The following PSMD9 variants were observed in gnomAD, a reference collection of about 807,000 sequenced individuals.
PSMD9 encodes 26S proteasome non-ATPase regulatory subunit 9.
In PSMD9, 26 loss-of-function variants were observed where a neutral mutation model predicts 25.9. The observed-to-expected ratio is 1.00, with a 90% CI of 0.73 to 1.39. PSMD9 has a LOEUF of 1.39. PSMD9 is among the 40% of genes most tolerant of loss of function. PSMD9 has a pLI of 0.00. For synonymous variants in PSMD9, 110 were observed against 114.5 expected, an observed-to-expected ratio of 0.96 and a Z score of 0.25; for missense variants, 303 against 299.3, an observed-to-expected ratio of 1.01 and a Z score of -0.09.
At chr12:121,894,372 C>T (rs1422552103) in intron 1 of PSMD9, 1 of 205,508 alleles carries the variant, frequency 4.9e-6, no homozygotes, top group Non-Finnish European at 1.0e-5. Flanking sequence ...TCACTCCCCT[C>T]TAGCTTCCAG....
chr12:121,888,953 A>C lies in PSMD9; in HGVS notation c.97A>C (p.Ile33Leu). ...VQELMRRKEEIEAQIKANYDV... is the reference protein window; with the variant it reads ...VQELMRRKEELEAQIKANYDV... The stretch of plus-strand genomic sequence containing the variant: ...GGAGCTGATGCGGCGCAAGGAGGAG[A>C]TAGAAGCGCAGATCAAGGCCAACTA... The change falls in exon 1 of 6, where the codon ATA becomes CTA. Residue 33 changes from isoleucine to leucine, a missense_variant. Ile to Leu is a conservative substitution (Grantham distance 5). Transcript: ENST00000541212. 1.3e-6 allele frequency: 2 copies of C among 1,591,794 alleles called. No individual in the cohort carries two copies. The highest frequency in any genetic ancestry group is 1.7e-6 in the Non-Finnish European group (2 of 1,169,800).
chr12:121,913,744 CT>C (rs1879809947), intron 4 of PSMD9, among the ~76,000 whole-genome samples: 1 of 152,060 alleles, frequency 6.6e-6, no homozygotes, highest in South Asian at 2.1e-4. Flanking sequence ...GGCAGTCCTC[CT>C]GCCTGGGCCT....
rs944422719 is a variant in PSMD9 at position 121,918,184 on chromosome 12, C to CA, written c.*1874dup. 1 of 152,368 alleles carries CA rather than the reference C, an allele frequency of 6.6e-6. No homozygotes were observed. Among genetic ancestry groups the CA allele is most frequent in the African/African-American group, 2.4e-5 (1 of 41,470 alleles). The allele number at this position is 152,368 out of a possible 1,614,324, so 9.4% of individuals were successfully genotyped here. ...GTGCACCCTGTGTCATATCTGCCCCCAGCCAGCTGGAATTGTCTGCAACAC... is the reference window on the plus strand; with the variant it reads ...GTGCACCCTGTGTCATATCTGCCCCCAAGCCAGCTGGAATTGTCTGCAACAC... On this transcript the variant is annotated 3_prime_UTR_variant, in exon 6 of 6. Transcript: ENST00000541212. The surrounding 1 kb of genome is among the most constrained non-coding windows in gnomAD (Gnocchi z 4.3).
intron 4 of PSMD9, among the ~76,000 whole-genome samples, chr12:121,906,770 C>A (rs1382754250): frequency 6.7e-6 from 1 of 150,242 alleles, no homozygotes; most frequent in Non-Finnish European, 1.5e-5. Flanking sequence ...ACCAAGATCA[C>A]GCCACTGCAC....
At chr12:121,893,236 C>A (rs1243306428) in intron 1 of PSMD9, among the ~76,000 whole-genome samples, 3 of 152,170 alleles carry the variant, frequency 2.0e-5, no homozygotes, top group Non-Finnish European at 4.4e-5. Context: ...TAGCCCCTGG[C>A]GCATTTCTGC....
At chr12:121,902,830 G>A (rs954946648) in intron 3 of PSMD9, 176 bp from the exon 4 acceptor site, 27 of 561,734 alleles carry the variant, frequency 4.8e-5, no homozygotes, top group South Asian at 5.9e-5. Flanking sequence ...AGGTGGCCCC[G>A]TTACCCACTG....
chr12:121,895,999 C>G (rs1879217119), intron 2 of PSMD9, among the ~76,000 whole-genome samples: 1 of 152,126 alleles, frequency 6.6e-6, no homozygotes, highest in Non-Finnish European at 1.5e-5. Context: ...ATCTGCATCA[C>G]ATCTTATTTA....
At chr12:121,901,542 A>G (rs1435078011) in intron 3 of PSMD9, among the ~76,000 whole-genome samples, 1 of 150,772 alleles carries the variant, frequency 6.6e-6, no homozygotes, top group South Asian at 2.1e-4. Context: ...TTTTTTAGAG[A>G]TGGGTTCTCA....
At chr12:121,898,580 C>T (rs3887885) in intron 2 of PSMD9, 67,643 of 148,884 alleles carry the variant, frequency 0.45, 15,799 homozygotes, top group Middle Eastern at 0.5. Flanking sequence ...CTTGCTTTGT[C>T]GCCAGGCTGG....
At chr12:121,910,604 T>C (rs1879691279) in intron 4 of PSMD9, among the ~76,000 whole-genome samples, 1 of 151,242 alleles carries the variant, frequency 6.6e-6, no homozygotes, top group African/African-American at 2.4e-5. Flanking sequence ...CTACTAAAAA[T>C]ACAAAATTAG....
chr12:121,914,502 A>C (rs1404687399), intron 4 of PSMD9: 2 of 151,526 alleles, frequency 1.3e-5, no homozygotes, highest in Admixed American at 1.3e-4. Flanking sequence ...GTGAGCCGAG[A>C]TTGTGCCACT....
Position 121,916,601 on chromosome 12 carries a change from T to G in PSMD9, c.*290T>G, listed in dbSNP as rs970825855. The stretch of plus-strand genomic sequence containing the variant: ...TTATTCTGGCAGGTACTGGTGTGAT[T>G]ATTATTATTATTTTTAATAAAGAGT... On this transcript the variant is annotated 3_prime_UTR_variant, in exon 6 of 6. Transcript: ENST00000541212. 3.3e-5 allele frequency: 13 copies of G among 397,422 alleles called. No individual in the cohort carries two copies. Among genetic ancestry groups the G allele is most frequent in the African/African-American group, 1.2e-4 (6 of 50,264 alleles). 24.6% of individuals were successfully genotyped at this position (397,422 alleles called of 1,614,324 possible). A position where few individuals can be genotyped will look rare whatever the true frequency, so the allele number is the denominator to read the frequency against.
At chr12:121,895,029 A>G (rs1274366388) in intron 2 of PSMD9, among the ~76,000 whole-genome samples, 188 bp downstream of exon 2, 1 of 150,264 alleles carries the variant, frequency 6.7e-6, no homozygotes, top group Non-Finnish European at 1.5e-5. Context: ...TTCTGGTTTC[A>G]TTTTCTCTCT....
At chr12:121,889,744 CCTAT>C (rs1879006398) in intron 1 of PSMD9, among the ~76,000 whole-genome samples, 1 of 152,068 alleles carries the variant, frequency 6.6e-6, no homozygotes, top group Admixed American at 6.6e-5. Flanking sequence ...GGGGCAAACG[CCTAT>C]CTAAGGTCAT....
chr12:121,889,181 G>C (rs1330727976), intron 1 of PSMD9, among the ~76,000 whole-genome samples, 187 bp downstream of exon 1: 1 of 152,254 alleles, frequency 6.6e-6, no homozygotes, highest in Non-Finnish European at 1.5e-5. Flanking sequence ...TGAAGAGTTA[G>C]CCATATTGAT....
Position 121,899,742 on chromosome 12 carries a change from A to G in PSMD9, c.350A>G (p.Lys117Arg), listed in dbSNP as rs1454592062. 1 of 1,614,138 alleles carries G rather than the reference A, an allele frequency of 6.2e-7. No homozygotes were observed. Among genetic ancestry groups the G allele is most frequent in the Non-Finnish European group, 8.5e-7 (1 of 1,180,006 alleles). The change falls in exon 3 of 6, where the codon AAA becomes AGA. Residue 117 changes from lysine (K) to arginine (R), a missense_variant. Physicochemically the swap from Lys to Arg is conservative, Grantham distance 26. Transcript: ENST00000541212. The stretch of plus-strand genomic sequence containing the variant: ...GCCCGGGACATGGCTGAGGCCCACA[A>G]AGAGGCCATGAGCCGCAAACTGGGT... ...KQARDMAEAH[K>R]EAMSRKLGQS...
chr12:121,896,898 T>C (rs970294179), intron 2 of PSMD9, among the ~76,000 whole-genome samples: 1 of 151,832 alleles, frequency 6.6e-6, no homozygotes, highest in Non-Finnish European at 1.5e-5. Flanking sequence ...TCCTTTGGCT[T>C]CTGTATGTAA....
At chr12:121,899,947 G>A in intron 3 of PSMD9, 102 bp downstream of exon 3, 2 of 1,315,814 alleles carry the variant, frequency 1.5e-6, no homozygotes, top group South Asian at 1.3e-5. Flanking sequence ...CCGTGCTGCG[G>A]TGCTGAGTTC....
chr12:121,916,097 G>A, intron 5 of PSMD9, 153 bp downstream of exon 5: 2 of 1,160,356 alleles, frequency 1.7e-6, no homozygotes, highest in Non-Finnish European at 1.3e-6. Context: ...GTAGGAACGA[G>A]ACTACAGCTC....
Sources: gnomAD v4.1 joint callset for allele counts (sites outside exome capture counted in the v4.1 genomes callset) on GRCh38, gnomAD v4.1.1 for gene constraint, Gnocchi (gnomAD v3.1) non-coding constraint, MANE v1.5 for transcripts, NCBI Gene and HGNC (gene_info 2026-07-23, HGNC 2026-07-21) for gene names.